The following CIC variants were observed in gnomAD, a reference collection of about 807,000 sequenced individuals.
CIC encodes the protein protein capicua homolog.
CIC carries 18 observed loss-of-function variants against 115.7 expected under a neutral mutation model. The observed-to-expected ratio is 0.16, with a 90% CI of 0.11 to 0.23. The LOEUF is 0.23. Ranked by LOEUF, CIC falls within the 10% of genes least tolerant of loss-of-function variation. CIC has a pLI of 1.00. For missense variants in CIC, 2,000 were observed against 2,159.3 expected (o/e 0.93, Z 1.46); for synonymous variants, 1,076 against 923.0 (o/e 1.17, Z -3.01).
At chr19:42,291,870 G>T in intron 12 of CIC, 125 bp downstream of exon 12, 1 of 1,358,428 alleles carries the variant, frequency 7.4e-7, no homozygotes, top group South Asian at 1.2e-5. Flanking sequence ...CATCTTCCGT[G>T]ATGTCTCTGT....
chr19:42,285,514 G>A (rs2037570919), intron 2 of CIC, among the ~76,000 whole-genome samples: 1 of 152,128 alleles, frequency 6.6e-6, no homozygotes, highest in South Asian at 2.1e-4. Flanking sequence ...TTTTTCCTTT[G>A]TCAGCCCCTC....
At chr19:42,288,192 C>T (rs190762078) in intron 7 of CIC, among the ~76,000 whole-genome samples, 1 of 152,344 alleles carries the variant, frequency 6.6e-6, no homozygotes, top group East Asian at 1.9e-4. Flanking sequence ...ATCTCGTTAT[C>T]AACTGTTGTT....
rs1452246723 is a variant in CIC at position 42,270,419 on chromosome 19, C to G, written c.-11+1038C>G. 6.6e-6 allele frequency among the ~76,000 whole-genome samples: 1 copy of G among 152,196 alleles called. No homozygotes were observed. Among genetic ancestry groups the G allele is most frequent in the East Asian group, 1.9e-4 (1 of 5,200 alleles). ...TGTTTGGCTTATGGTTCTGGGTCCCCCAACCCTCCTAGAGGCCTCTGTTTT... is the reference window on the plus strand; with the variant it reads ...TGTTTGGCTTATGGTTCTGGGTCCCGCAACCCTCCTAGAGGCCTCTGTTTT... On this transcript the variant is annotated intron_variant, in intron 1 of 20. Transcript: ENST00000681038. This position sits in a 1 kb window ranked among gnomAD's most constrained non-coding sequence, Gnocchi z 4.1.
intron 2 of CIC, chr19:42,284,337 TGCCC>T (rs2037442356): frequency 7.6e-6 from 1 of 131,368 alleles, no homozygotes; most frequent in Non-Finnish European, 1.7e-5. Context: ...CCGCCCCGCC[TGCCC>T]CGCCTGCCCC....
Position 42,270,489 on chromosome 19 carries a change from CCTTTT to C in CIC, c.-11+1116_-11+1120del, listed in dbSNP as rs1234495507. On this transcript the variant is annotated intron_variant, in intron 1 of 20. Transcript: ENST00000681038. The surrounding 1 kb of genome is among the most constrained non-coding windows in gnomAD (Gnocchi z 4.1). ...GTCACTTCAGAGTAAAGTTTTTTCC[CCTTTT>C]CTTTTCTCAGGGCAGCTCGAAAGGG... Among the ~76,000 whole-genome samples the C allele has an allele frequency of 6.6e-6, 1 of 152,208 alleles. No individual in the cohort carries two copies. Among genetic ancestry groups the C allele is most frequent in the Admixed American group, 6.5e-5 (1 of 15,284 alleles).
At chr19:42,289,773 C>G (rs1160562686) in intron 9 of CIC, 75 bp from the exon 10 acceptor site, 15 of 1,278,884 alleles carry the variant, frequency 1.2e-5, no homozygotes, top group Non-Finnish European at 1.6e-5. Flanking sequence ...GAGCTGAGAT[C>G]CAGGCTCCAG....
In CIC at chr19:42,287,712, C is replaced by T. The variant is rs773618772; in HGVS notation, c.3477C>T (p.His1159=). Residue 1159 remains histidine (H), a synonymous_variant, in exon 6 of 21, where the codon CAC becomes CAT. Coordinates refer to ENST00000681038, the MANE Select transcript of CIC (RefSeq NM_001386298.1). The surrounding 1 kb of genome is among the most constrained non-coding windows in gnomAD (Gnocchi z 8.7). The stretch of plus-strand genomic sequence containing the variant: ...GGCCCAAGGAGAAGCAGAAGTACCA[C>T]GACCTGGCCTTCCAGGTAACGCTGT... ...ALGPKEKQKY[H]DLAFQVKEAH... 9.9e-6 allele frequency: 16 copies of T among 1,614,084 alleles called. No homozygotes were observed. The highest frequency in any genetic ancestry group is 1.3e-5 in the African/African-American group (1 of 74,948).
In CIC at chr19:42,295,140, C is replaced by G; in HGVS notation, c.7503C>G (p.Pro2501=). The G allele has an allele frequency of 6.9e-7, 1 of 1,440,290 alleles. No homozygotes were observed. The allele number at this position is 1,440,290 out of a possible 1,614,324, so 89.2% of individuals were successfully genotyped here. Reference sequence around the variant, plus strand: ...GACAGCCTGGCTGGGAGGGGGCTCCCCAGCCCTCCCCCCCACCCCCAGGTC... The same window carrying G: ...GACAGCCTGGCTGGGAGGGGGCTCCGCAGCCCTCCCCCCCACCCCCAGGTC... The part of the protein sequence containing the change: ...GPGQPGWEGA[P]QPSPPPPGPS... The change falls in exon 21 of 21, where the codon CCC becomes CCG. Residue 2501 remains proline (P), a synonymous_variant. Coordinates refer to ENST00000681038, the MANE Select transcript of CIC (RefSeq NM_001386298.1).
At chr19:42,293,900 C>G (rs531499146) in intron 17 of CIC, 35 bp from the exon 18 acceptor site, 1 of 1,612,784 alleles carries the variant, frequency 6.2e-7, no homozygotes, top group Non-Finnish European at 8.5e-7. Context: ...CAGCTGCAGG[C>G]TGAGGCGGGG....
In CIC at chr19:42,291,663, G is replaced by C. The variant is rs1400139665; in HGVS notation, c.5531G>C (p.Gly1844Ala). ...GCCGCCCCTAGCATGTCAGTGCGGG[G>C]TGGAGGGGCCGGCCAGCCACTGCCA... is the stretch of plus-strand genomic sequence containing the variant. The part of the protein sequence containing the change: ...PLAAPSMSVR[G>A]GGAGQPLPLV... Residue 1844 changes from glycine to alanine, a missense_variant, in exon 12 of 21, where the codon GGT becomes GCT. By Grantham distance (60) the Gly-to-Ala change is moderately conservative. Around this residue, in one of 8 missense-constraint regions of CIC, gnomAD observed 1,466 missense variants for 1,390.4 expected, o/e 1.05. Transcript: ENST00000681038. 1 of 1,613,026 alleles carries C rather than the reference G, an allele frequency of 6.2e-7. No individual in the cohort carries two copies. The highest frequency in any genetic ancestry group is 1.3e-5 in the African/African-American group (1 of 75,054).
chr19:42,280,527 C>A lies in CIC; in HGVS notation c.2794+5950C>A, dbSNP rs1476250138. Among the ~76,000 whole-genome samples the A allele has an allele frequency of 1.3e-5, 2 of 152,198 alleles. No homozygotes were observed. Among genetic ancestry groups the A allele is most frequent in the African/African-American group, 4.8e-5 (2 of 41,456 alleles). On this transcript the variant is annotated intron_variant, in intron 2 of 20. Coordinates refer to ENST00000681038, the MANE Select transcript of CIC (RefSeq NM_001386298.1). This position sits in a 1 kb window ranked among gnomAD's most constrained non-coding sequence, Gnocchi z 4.9. ...CCGCTGACCGCTGATTGGCCGAGAC[C>A]TGCTTCTCCGCCCCTGAGCGATTAA...
At chr19:42,289,778 C>T in intron 9 of CIC, 70 bp from the exon 10 acceptor site, 4 of 1,303,744 alleles carry the variant, frequency 3.1e-6, no homozygotes, top group Non-Finnish European at 4.3e-6. Flanking sequence ...GAGATCCAGG[C>T]TCCAGACTGT....
At chr19:42,285,871 C>G (rs1370864584) in intron 2 of CIC, among the ~76,000 whole-genome samples, 1 of 152,256 alleles carries the variant, frequency 6.6e-6, no homozygotes, top group African/African-American at 2.4e-5. Context: ...TGGGACCAGC[C>G]TCTTGGTGAG....
Position 42,295,308 on chromosome 19 carries a change from C to T in CIC, c.*117C>T, listed in dbSNP as rs1158639938. 17 of 888,596 alleles carry T rather than the reference C, an allele frequency of 1.9e-5. No homozygotes were observed. The highest frequency in any genetic ancestry group is 6.7e-5 in the African/African-American group (4 of 60,032). The allele number at this position is 888,596 out of a possible 1,614,324, so 55.0% of individuals were successfully genotyped here. A position where few individuals can be genotyped will look rare whatever the true frequency, so the allele number is the denominator to read the frequency against. On this transcript the variant is annotated 3_prime_UTR_variant, in exon 21 of 21. Transcript: ENST00000681038. ...CCATTTCGTCCTCTCCAGTTTGGGG[C>T]GGAATGAGGCCTGCTCCTCTTGTAA...
At chr19:42,278,413 C>T (rs961157690) in intron 2 of CIC, among the ~76,000 whole-genome samples, 3 of 152,232 alleles carry the variant, frequency 2.0e-5, no homozygotes. Context: ...TCCTATATCT[C>T]TCTGGTCTCC....
rs143373662 is a variant in CIC, at chr19:42,291,341, C to T, written c.5300C>T (p.Pro1767Leu). Residue 1767 changes from proline (P) to leucine (L), a missense_variant, in exon 11 of 21, where the codon CCC becomes CTC. Transcript: ENST00000681038. ...GCAGCGGCTCCCAGCGGCCCTGCACCCACCACCAGCATCCGTTTCACCCTC... is the reference window on the plus strand; with the variant it reads ...GCAGCGGCTCCCAGCGGCCCTGCACTCACCACCAGCATCCGTTTCACCCTC... ...TKAAAPSGPAPTTSIRFTLPP... is the reference protein window; with the variant it reads ...TKAAAPSGPALTTSIRFTLPP... The T allele has an allele frequency of 1.6e-5, 26 of 1,612,670 alleles. No homozygotes were observed. The highest frequency in any genetic ancestry group is 2.1e-5 in the Non-Finnish European group (25 of 1,179,936).
Position 42,289,908 on chromosome 19 carries a change from G to A in CIC, c.4148G>A (p.Ser1383Asn), listed in dbSNP as rs1298335299. ...AAGTGCAAGGAGCGGGTGACCGACA[G>A]CGAGAGTGGGGACAGCTCTGGGGAG... ...DLKCKERVTD[S>N]ESGDSSGEDP... Residue 1383 changes from serine (S) to asparagine (N), a missense_variant, in exon 10 of 21, where the codon AGC becomes AAC. By Grantham distance (46) the Ser-to-Asn change is conservative. Coordinates refer to ENST00000681038, the MANE Select transcript of CIC (RefSeq NM_001386298.1). The A allele has an allele frequency of 6.2e-7, 1 of 1,610,448 alleles. No homozygotes were observed. Among genetic ancestry groups the A allele is most frequent in the South Asian group, 1.1e-5 (1 of 90,122 alleles).
chr19:42,283,581 G>T (rs1330749303), intron 2 of CIC, among the ~76,000 whole-genome samples: 1 of 152,120 alleles, frequency 6.6e-6, no homozygotes, highest in Non-Finnish European at 1.5e-5. Flanking sequence ...GTGAGTAGGT[G>T]AGGGCTCAGG....
intron 9 of CIC, 40 bp downstream of exon 9, chr19:42,289,446 C>G: frequency 6.5e-7 from 1 of 1,545,386 alleles, no homozygotes; most frequent in Non-Finnish European, 8.8e-7. Context: ...CAGGACCCAG[C>G]AGGCCAAGGC....
Sources: gnomAD v4.1 joint callset for allele counts (sites outside exome capture counted in the v4.1 genomes callset) on GRCh38, gnomAD v4.1.1 for gene constraint, gnomAD v4.1.1 regional missense constraint, Gnocchi (gnomAD v3.1) non-coding constraint, MANE v1.5 for transcripts, NCBI Gene and HGNC (gene_info 2026-07-23, HGNC 2026-07-21) for gene names.